The following FOXP2 variants were observed in gnomAD, a reference collection of about 807,000 sequenced individuals.
FOXP2 encodes forkhead box P2.
FOXP2 carries 12 observed loss-of-function variants against 115.8 expected under a neutral mutation model. The observed-to-expected ratio is 0.10, with a 90% CI of 0.07 to 0.17. The LOEUF is 0.17. FOXP2 is among the 10% of genes least tolerant of loss of function. The probability of loss-of-function intolerance (pLI) is 1.00; values close to 1 mark genes in which losing one functional copy is unlikely to be tolerated. For missense variants in FOXP2, 629 were observed against 843.5 expected (o/e 0.75, Z 3.15); for synonymous variants, 328 against 297.7 (o/e 1.10, Z -1.05).
intron 2 of FOXP2, among the ~76,000 whole-genome samples, chr7:114,505,813 T>C (rs1010714890): frequency 6.6e-6 from 1 of 151,652 alleles, no homozygotes; most frequent in Non-Finnish European, 1.5e-5. Context: ...GTAAAAGTCA[T>C]GTATTTTATG....
intron 9 of FOXP2, chr7:114,653,257 A>T (rs1013477926): frequency 1.3e-5 from 2 of 154,992 alleles, no homozygotes; most frequent in East Asian, 3.8e-4. Flanking sequence ...AGACTAAAAC[A>T]TAAGAGTTCA....
intron 6 of FOXP2, among the ~76,000 whole-genome samples, chr7:114,634,239 G>A (rs1443528016): frequency 3.3e-5 from 5 of 152,076 alleles, no homozygotes; most frequent in Admixed American, 6.6e-5. Context: ...CAAGTGATCC[G>A]CCTGCCTCGG....
chr7:114,689,699 A>T, intron 16 of FOXP2, 83 bp from the exon 17 acceptor site: 1 of 1,427,464 alleles, frequency 7.0e-7, no homozygotes, highest in Non-Finnish European at 9.8e-7. Context: ...GCCTTTTTTC[A>T]GTTGACCTCT....
intron 1 of FOXP2, among the ~76,000 whole-genome samples, chr7:114,241,512 A>C (rs1366224326): frequency 6.6e-6 from 1 of 152,100 alleles, no homozygotes; most frequent in African/African-American, 2.4e-5. Context: ...AATAATAGAA[A>C]GCTCTACAGA....
chr7:114,154,957 C>G (rs961610619), intron 1 of FOXP2, among the ~76,000 whole-genome samples: 1 of 152,088 alleles, frequency 6.6e-6, no homozygotes, highest in Non-Finnish European at 1.5e-5. Context: ...CACTGACAAT[C>G]TACGTTATGT....
chr7:114,507,317 G>T (rs1335279637), intron 2 of FOXP2, among the ~76,000 whole-genome samples: 2 of 151,904 alleles, frequency 1.3e-5, no homozygotes, highest in African/African-American at 4.8e-5. Flanking sequence ...GCAAGTAGAA[G>T]TGAAGCTATT....
chr7:114,558,258 A>G (rs1199333443), intron 3 of FOXP2, among the ~76,000 whole-genome samples: 1 of 152,230 alleles, frequency 6.6e-6, no homozygotes, highest in African/African-American at 2.4e-5. Flanking sequence ...TGCCATCAAG[A>G]AATTACCATT....
At chr7:114,563,082 G>A (rs1800831595) in intron 3 of FOXP2, among the ~76,000 whole-genome samples, 1 of 152,078 alleles carries the variant, frequency 6.6e-6, no homozygotes, top group African/African-American at 2.4e-5. Flanking sequence ...AAAACCATCA[G>A]ATCTCTTGAG....
At chr7:114,278,898 A>AT (rs200379915) in intron 1 of FOXP2, among the ~76,000 whole-genome samples, 84 of 150,640 alleles carry the variant, frequency 5.6e-4, no homozygotes, top group South Asian at 2.7e-3. Context: ...AATGCCAGTG[A>AT]TTTTTTTTTT....
chr7:114,111,877 A>T (rs1334921532), intron 1 of FOXP2, among the ~76,000 whole-genome samples: 1 of 151,852 alleles, frequency 6.6e-6, no homozygotes, highest in African/African-American at 2.4e-5. Flanking sequence ...TTAAGAGAGG[A>T]GAGATTTGGG....
intron 1 of FOXP2, among the ~76,000 whole-genome samples, chr7:114,263,755 C>G (rs1438907881): frequency 2.0e-5 from 3 of 150,720 alleles, no homozygotes; most frequent in Admixed American, 1.3e-4. Flanking sequence ...TTGCAGCATT[C>G]TCCCCTGCAA....
intron 1 of FOXP2, among the ~76,000 whole-genome samples, chr7:114,093,579 A>T (rs1388577691): frequency 6.6e-6 from 1 of 152,016 alleles, no homozygotes; most frequent in Non-Finnish European, 1.5e-5. Context: ...GAGGCCAAAG[A>T]AGTTACTTCC....
intron 2 of FOXP2, among the ~76,000 whole-genome samples, chr7:114,452,599 A>T (rs1795120305): frequency 6.6e-6 from 1 of 152,078 alleles, no homozygotes; most frequent in Non-Finnish European, 1.5e-5. Context: ...CTTTAAGATG[A>T]TCAGTTAAAT....
chr7:114,489,566 C>T (rs1450713090), intron 2 of FOXP2, among the ~76,000 whole-genome samples: 1 of 151,642 alleles, frequency 6.6e-6, no homozygotes, highest in Non-Finnish European at 1.5e-5. Context: ...CTTCTTAGAG[C>T]TTGAGAGCTT....
At chr7:114,283,279 G>C (rs1039004193) in intron 1 of FOXP2, among the ~76,000 whole-genome samples, 54 of 152,136 alleles carry the variant, frequency 3.5e-4, no homozygotes, top group African/African-American at 1.3e-3. Context: ...TATTAAAACA[G>C]TATTTAAAAT....
chr7:114,315,976 T>A (rs1245530773), intron 2 of FOXP2, among the ~76,000 whole-genome samples: 1 of 152,186 alleles, frequency 6.6e-6, no homozygotes, highest in African/African-American at 2.4e-5. Context: ...GGAACACTAG[T>A]CAACACTTCA....
At chr7:114,593,490 C>T (rs1020976810) in intron 3 of FOXP2, among the ~76,000 whole-genome samples, 19 of 151,948 alleles carry the variant, frequency 1.3e-4, no homozygotes, top group Non-Finnish European at 2.1e-4. Context: ...TCTTCTTTTT[C>T]TATCAACGCT....
intron 2 of FOXP2, among the ~76,000 whole-genome samples, chr7:114,357,056 A>C (rs1160176747): frequency 6.6e-6 from 1 of 152,050 alleles, no homozygotes; most frequent in Non-Finnish European, 1.5e-5. Context: ...ATATGGTTAT[A>C]CTCTCCAGAG....
chr7:114,415,568 G>A (rs1302524102), intron 1 of FOXP2, among the ~76,000 whole-genome samples: 3 of 151,640 alleles, frequency 2.0e-5, no homozygotes, highest in Non-Finnish European at 2.9e-5. Context: ...TGTCAGTAGC[G>A]TAATGTAGAT....
Sources: gnomAD v4.1 joint callset for allele counts (sites outside exome capture counted in the v4.1 genomes callset) on GRCh38, gnomAD v4.1.1 for gene constraint, MANE v1.5 for transcripts, NCBI Gene and HGNC (gene_info 2026-07-23, HGNC 2026-07-21) for gene names.